DPYSL4: variants seen among roughly 807,000 people sequenced by gnomAD.
DPYSL4 encodes dihydropyrimidinase like 4.
In DPYSL4, 43 loss-of-function variants were observed where a neutral mutation model predicts 63.4. The ratio of observed to expected loss-of-function variants is 0.68; its 90% CI spans 0.53 to 0.88. The LOEUF (loss-of-function observed/expected upper bound fraction) is 0.88. DPYSL4 is among the 40% of genes least tolerant of loss of function. The pLI is 0.00. For synonymous variants in DPYSL4, 353 were observed against 331.7 expected, an observed-to-expected ratio of 1.06 and a Z score of -0.70; for missense variants, 733 against 819.5, an observed-to-expected ratio of 0.89 and a Z score of 1.29.
intron 1 of DPYSL4, among the ~76,000 whole-genome samples, chr10:132,189,549 C>G (rs1319025814): frequency 6.6e-6 from 1 of 152,202 alleles, no homozygotes; most frequent in Non-Finnish European, 1.5e-5. Flanking sequence ...CAGCCTGACG[C>G]TCTGTGTCCC....
chr10:132,187,019 C>T lies in DPYSL4; in HGVS notation c.-45C>T, dbSNP rs2137491036. 3 of 315,392 alleles carry T rather than the reference C, an allele frequency of 9.5e-6. No individual in the cohort carries two copies. The highest frequency in any genetic ancestry group is 1.1e-5 in the Non-Finnish European group (2 of 180,442). The allele number at this position is 315,392 out of a possible 1,614,324, so 19.5% of individuals were successfully genotyped here. On this transcript the variant is annotated 5_prime_UTR_variant, in exon 1 of 14. Transcript: ENST00000338492. Reference sequence around the variant, plus strand: ...TCCCCCCGCCCGCCCGCCCGCCCGCCCGCCCCCGCTTGTGCCGCCCCTACC... The same window carrying T: ...TCCCCCCGCCCGCCCGCCCGCCCGCTCGCCCCCGCTTGTGCCGCCCCTACC...
intron 1 of DPYSL4, among the ~76,000 whole-genome samples, chr10:132,189,101 G>T (rs1162877474): frequency 1.3e-5 from 2 of 152,248 alleles, no homozygotes; most frequent in South Asian, 2.1e-4. Flanking sequence ...GACTGACGGT[G>T]CGTGAAGGCT....
At chr10:132,195,836 C>T (rs2061936028) in intron 4 of DPYSL4, among the ~76,000 whole-genome samples, 2 of 152,248 alleles carry the variant, frequency 1.3e-5, no homozygotes, top group Admixed American at 6.5e-5. Flanking sequence ...ACTCGGGAGG[C>T]CTGTGGCCTC....
At chr10:132,204,791 C>T in intron 13 of DPYSL4, 48 bp from the exon 14 acceptor site, 1 of 1,523,516 alleles carries the variant, frequency 6.6e-7, no homozygotes, top group Non-Finnish European at 8.9e-7. Flanking sequence ...ATAGAAGGGC[C>T]CCTGCCCCTG....
Position 132,194,901 on chromosome 10 carries a change from C to A in DPYSL4, c.370C>A (p.Arg124=), listed in dbSNP as rs537272168. Residue 124 remains arginine, a synonymous_variant, in exon 4 of 14, where the codon CGG becomes AGG. Coordinates refer to ENST00000338492, the MANE Select transcript of DPYSL4 (RefSeq NM_006426.3). ...VSLLAAYEQW[R]ERADSAACCD... is the part of the protein sequence containing the mutation. ...CCTGCTGGCGGCCTACGAGCAGTGG[C>A]GGGAGCGGGCGGACAGCGCGGCCTG... 2.5e-6 allele frequency: 4 copies of A among 1,612,628 alleles called. No individual in the cohort carries two copies. The highest frequency in any genetic ancestry group is 3.4e-6 in the Non-Finnish European group (4 of 1,179,920).
intron 3 of DPYSL4, among the ~76,000 whole-genome samples, chr10:132,194,597 T>TTCTCCCC (rs113742263): frequency 0.21 from 31,630 of 152,036 alleles, 3,726 homozygotes; most frequent in Middle Eastern, 0.28. Context: ...GGCTTTTCCT[T>TTCTCCCC]TCTCCCCTCT....
In DPYSL4 at chr10:132,203,739, C is replaced by A. The variant is rs1191819736; in HGVS notation, c.1462-23C>A. The A allele has an allele frequency of 3.8e-6, 6 of 1,589,218 alleles. No homozygotes were observed. In the African/African-American group the frequency reaches 6.7e-5, roughly 18 times the overall value. On this transcript the variant is annotated intron_variant, in intron 12 of 13. Transcript: ENST00000338492. ...CCAGGCTCAGCCCCTCATGCCCTGT[C>A]TCTGCCCCCACCCCCCCGGCAGCTG...
chr10:132,192,236 T>C (rs2061887969), intron 2 of DPYSL4: 1 of 873,696 alleles, frequency 1.1e-6, no homozygotes, highest in Non-Finnish European at 1.4e-6. Context: ...TGGGTGGCTG[T>C]GGGCGAAAGC....
intron 9 of DPYSL4, among the ~76,000 whole-genome samples, 159 bp downstream of exon 9, chr10:132,200,671 C>G (rs1324546996): frequency 6.6e-6 from 1 of 152,164 alleles, no homozygotes; most frequent in Non-Finnish European, 1.5e-5. Flanking sequence ...CGGGGGCTCC[C>G]CTGGCAGGAA....
In DPYSL4 at chr10:132,198,436, C is replaced by A. The variant is rs754700260; in HGVS notation, c.643C>A (p.Leu215Ile). ...TTAGGAGCAGAAGCGGTTGCTGGAG[C>A]TCGGCATCACTGGCCCCGAGGGCCA... ...VEEEQKRLLE[L>I]GITGPEGHVL... Residue 215 changes from leucine (L) to isoleucine (I), a missense_variant, in exon 7 of 14, where the codon CTC (leucine) becomes ATC (isoleucine). Physicochemically the swap from Leu to Ile is conservative, Grantham distance 5 (BLOSUM62 2). Coordinates refer to ENST00000338492, the MANE Select transcript of DPYSL4 (RefSeq NM_006426.3). 2.5e-6 allele frequency: 4 copies of A among 1,606,922 alleles called. No homozygotes were observed. The highest frequency in any genetic ancestry group is 4.5e-5 in the East Asian group (2 of 44,682).
chr10:132,188,237 C>T (rs772634352), intron 1 of DPYSL4, among the ~76,000 whole-genome samples: 1 of 152,182 alleles, frequency 6.6e-6, no homozygotes. Context: ...GAACTTTCAC[C>T]TCCATCCGGA....
intron 6 of DPYSL4, among the ~76,000 whole-genome samples, chr10:132,197,889 GGAGGTTGT>G (rs1400627944): frequency 2.6e-5 from 4 of 152,236 alleles, no homozygotes; most frequent in Admixed American, 2.6e-4. Context: ...TGCACCGTCA[GGAGGTTGT>G]CCTGGGTCTA....
intron 9 of DPYSL4, 141 bp downstream of exon 9, chr10:132,200,653 G>A: frequency 4.4e-6 from 6 of 1,374,772 alleles, no homozygotes; most frequent in South Asian, 2.9e-5. Context: ...TGAGCCCTTT[G>A]GTCCCAGCGG....
chr10:132,188,392 C>T (rs1233124886), intron 1 of DPYSL4, among the ~76,000 whole-genome samples: 10 of 152,182 alleles, frequency 6.6e-5, no homozygotes, highest in South Asian at 4.1e-4. Context: ...TCCTTCTGCC[C>T]GGTTGCGTTT....
chr10:132,201,890 G>A (rs565216422), intron 10 of DPYSL4, 56 bp from the exon 11 acceptor site: 65 of 1,556,740 alleles, frequency 4.2e-5, no homozygotes, highest in Middle Eastern at 2.0e-4. Flanking sequence ...CTGTCCTCGC[G>A]CAAGCCTCAC....
In DPYSL4 at chr10:132,196,049, A is replaced by T. The variant is rs533726545; in HGVS notation, c.479-812A>T. 2.0e-5 allele frequency among the ~76,000 whole-genome samples: 3 copies of T among 152,252 alleles called. No individual in the cohort carries two copies. The South Asian group carries it at 6.2e-4, about 32-fold the overall frequency. ...AGGCCTCAAACTCCAGGTCACATAC[A>T]GGTTGCTACCTGGAGGGATGGCTTG... On this transcript the variant is annotated intron_variant, in intron 4 of 13. Transcript: ENST00000338492.
intron 13 of DPYSL4, 47 bp from the exon 14 acceptor site, chr10:132,204,792 C>A: frequency 1.3e-6 from 2 of 1,528,564 alleles, no homozygotes; most frequent in South Asian, 1.2e-5. Flanking sequence ...TAGAAGGGCC[C>A]CTGCCCCTGC....
intron 1 of DPYSL4, 81 bp downstream of exon 1, chr10:132,187,183 C>A: frequency 1.9e-6 from 2 of 1,059,796 alleles, no homozygotes; most frequent in South Asian, 1.5e-5. Flanking sequence ...CCCTCCTGGT[C>A]TTGTGCGTGG....
rs148548080 is a variant in DPYSL4 at position 132,192,664 on chromosome 10, C to T, written c.135C>T (p.Ile45=). The change falls in exon 3 of 14, where the codon ATC becomes ATT. Residue 45 remains isoleucine (I), a synonymous_variant. Coordinates refer to ENST00000338492, the MANE Select transcript of DPYSL4 (RefSeq NM_006426.3). ...VHVEDGLIKQ[I]GENLIVPGGI... ...AAATCTCTGCTGCTTTCAGACAAAT[C>T]GGAGAAAACCTCATCGTCCCTGGGG... 4.5e-5 allele frequency: 72 copies of T among 1,600,940 alleles called. No individual in the cohort carries two copies. The highest frequency in any genetic ancestry group is 5.4e-5 in the Non-Finnish European group (63 of 1,173,610).
Sources: allele counts gnomAD v4.1 joint callset (sites outside exome capture counted in the v4.1 genomes callset), GRCh38; gene constraint gnomAD v4.1.1; transcripts MANE v1.5; gene names NCBI Gene and HGNC (gene_info 2026-07-23, HGNC 2026-07-21).